The following COL5A2 variants were observed in gnomAD, a reference collection of about 807,000 sequenced individuals.
The protein encoded by COL5A2 is collagen alpha-2(V) chain.
COL5A2 carries 23 observed loss-of-function variants against 208.2 expected under a neutral mutation model. That is an observed-to-expected ratio of 0.11 (90% CI 0.08 to 0.16). COL5A2 has a LOEUF of 0.16. Ranked by LOEUF, COL5A2 falls within the 10% of genes least tolerant of loss-of-function variation. The pLI is 1.00. For missense variants in COL5A2, 1,590 were observed against 1,956.4 expected, an observed-to-expected ratio of 0.81 and a Z score of 3.53; for synonymous variants, 625 against 628.5, an observed-to-expected ratio of 0.99 and a Z score of 0.08.
chr2:189,128,803 A>G (rs1421959712), intron 1 of COL5A2, among the ~76,000 whole-genome samples: 2 of 152,022 alleles, frequency 1.3e-5, no homozygotes, highest in African/African-American at 4.8e-5. Context: ...TCCAGCTGTT[A>G]GAGAAGACTA....
rs530891043 is a variant in COL5A2, at chr2:189,064,178, T to TA, written c.1717-146dup. The TA allele has an allele frequency of 2.8e-5, 19 of 685,710 alleles. No individual in the cohort carries two copies. The African/African-American group carries it at 3.2e-4, about 12-fold the overall frequency. 42.5% of individuals were successfully genotyped at this position (685,710 alleles called of 1,614,324 possible). On this transcript the variant is annotated intron_variant, in intron 25 of 53. Transcript: ENST00000374866. Reference sequence around the variant, plus strand: ...AATAAATTTTTAAGTGATGTATTGTTAAAATTTTTCAGAATTTCTCTGCCA... The same window carrying TA: ...AATAAATTTTTAAGTGATGTATTGTTAAAAATTTTTCAGAATTTCTCTGCCA...
intron 5 of COL5A2, among the ~76,000 whole-genome samples, chr2:189,098,327 C>T (rs1314327656): frequency 6.6e-6 from 1 of 152,178 alleles, no homozygotes; most frequent in Non-Finnish European, 1.5e-5. Flanking sequence ...TGCTCTCCTG[C>T]TGTATGATTT....
the COL5A2 span, among the ~76,000 whole-genome samples, chr2:189,436,026 A>G: frequency 6.6e-6 from 1 of 152,200 alleles, no homozygotes; most frequent in Non-Finnish European, 1.5e-5. Context: ...TGTCCTTTGT[A>G]GGCACATGGA....
chr2:189,365,400 T>C, the COL5A2 span, among the ~76,000 whole-genome samples: 1 of 152,218 alleles, frequency 6.6e-6, no homozygotes, highest in Non-Finnish European at 1.5e-5. Context: ...GAACTCAGTA[T>C]TGTAAAACCT....
chr2:189,086,844 C>A, intron 8 of COL5A2, 74 bp from the exon 9 acceptor site: 1 of 1,274,262 alleles, frequency 7.8e-7, no homozygotes, highest in Non-Finnish European at 1.1e-6. Flanking sequence ...AATGTTGAAT[C>A]ATCTCTAGAA....
chr2:189,333,452 T>A, the COL5A2 span, among the ~76,000 whole-genome samples: 20 of 152,138 alleles, frequency 1.3e-4, no homozygotes, highest in Admixed American at 4.6e-4. Context: ...TGAAATAGTA[T>A]GAGCAAATTC....
At chr2:189,337,820 CAAA>C in the COL5A2 span, among the ~76,000 whole-genome samples, 271 of 143,660 alleles carry the variant, frequency 1.9e-3, no homozygotes, top group Middle Eastern at 3.6e-3. Context: ...TCCATCCTAG[CAAA>C]AAAAAAAAAA....
At position 189,039,494 on chromosome 2, in the gene COL5A2, C is replaced by A; in HGVS notation, c.3703G>T (p.Asp1235Tyr). ...PPGHLTAALG[D>Y]IMGHYDESMP... ...CTTTCATCATAGTGCCCCATGATAT[C>A]CCCAAGAGCAGCTGTAAGGTGGCCA... The change falls in exon 51 of 54, where the codon GAT becomes TAT. Residue 1235 changes from aspartate (D) to tyrosine (Y), a missense_variant. Coordinates refer to ENST00000374866, the MANE Select transcript of COL5A2 (RefSeq NM_000393.5). 1.9e-6 allele frequency: 3 copies of A among 1,613,990 alleles called. No individual in the cohort carries two copies. The highest frequency in any genetic ancestry group is 2.2e-5 in the South Asian group (2 of 91,048).
intron 1 of COL5A2, among the ~76,000 whole-genome samples, chr2:189,218,204 C>T (rs1689302847): frequency 6.6e-6 from 1 of 152,154 alleles, no homozygotes; most frequent in South Asian, 2.1e-4. Flanking sequence ...AATACTTTCT[C>T]CCTCAAATTC....
the COL5A2 span, among the ~76,000 whole-genome samples, chr2:189,317,422 A>C: frequency 6.6e-6 from 1 of 152,232 alleles, no homozygotes; most frequent in African/African-American, 2.4e-5. Flanking sequence ...ACACTTCTAT[A>C]ATTCTTCCTA....
At chr2:189,360,159 T>C in the COL5A2 span, among the ~76,000 whole-genome samples, 1 of 152,272 alleles carries the variant, frequency 6.6e-6, no homozygotes, top group South Asian at 2.1e-4. Flanking sequence ...ATTCAGCCTT[T>C]CTACTTTTTG....
intron 1 of COL5A2, among the ~76,000 whole-genome samples, chr2:189,110,920 TAGAAAAAA>T (rs1053308447): frequency 2.6e-5 from 4 of 152,094 alleles, no homozygotes; most frequent in African/African-American, 4.8e-5. Context: ...TCATGTACCA[TAGAAAAAA>T]ACTTCAAAAA....
chr2:189,034,880 C>A, intron 53 of COL5A2, 36 bp downstream of exon 53: 1 of 1,613,008 alleles, frequency 6.2e-7, no homozygotes, highest in African/African-American at 1.3e-5. Flanking sequence ...AATTTTTTTT[C>A]CTCAACCAGA....
intron 19 of COL5A2, 46 bp downstream of exon 19, chr2:189,068,740 A>C: frequency 7.5e-7 from 1 of 1,327,720 alleles, no homozygotes. Flanking sequence ...TGTTACAAGA[A>C]ATGTCCAGCT....
the COL5A2 span, among the ~76,000 whole-genome samples, chr2:189,306,702 T>C: frequency 6.6e-6 from 1 of 152,356 alleles, no homozygotes; most frequent in African/African-American, 2.4e-5. Context: ...AAAATAAGAA[T>C]GCCATTACTT....
At chr2:189,193,072 C>A (rs541575908) in intron 1 of COL5A2, among the ~76,000 whole-genome samples, 1 of 152,356 alleles carries the variant, frequency 6.6e-6, no homozygotes, top group South Asian at 2.1e-4. Flanking sequence ...AGGCCCCTGC[C>A]AGATGCTGGC....
At chr2:189,072,124 C>A (rs753248644) in intron 17 of COL5A2, 31 bp from the exon 18 acceptor site, 7 of 1,516,238 alleles carry the variant, frequency 4.6e-6, no homozygotes, top group Admixed American at 1.7e-5. Context: ...AGTAATCAGA[C>A]ATGTATTCAA....
At chr2:189,264,644 A>C in the COL5A2 span, among the ~76,000 whole-genome samples, 1 of 152,182 alleles carries the variant, frequency 6.6e-6, no homozygotes, top group Non-Finnish European at 1.5e-5. Flanking sequence ...AATAAGATAA[A>C]TATATATGCA....
rs769463034 is a variant in COL5A2 at position 189,083,935 on chromosome 2, A to C, written c.852+49T>G. 3.1e-5 allele frequency: 41 copies of C among 1,331,422 alleles called. No homozygotes were observed. The South Asian group carries it at 4.2e-4, about 14-fold the overall frequency. 82.5% of individuals were successfully genotyped at this position (1,331,422 alleles called of 1,614,324 possible). A position where few individuals can be genotyped will look rare whatever the true frequency, so the allele number is the denominator to read the frequency against. ...CATACAGAGAATTGTGATTTAATTC[A>C]ATGTTCTTTATTTTTCAAAGTTTGC... On this transcript the variant is annotated intron_variant, in intron 12 of 53. Transcript: ENST00000374866.
Sources: gnomAD v4.1 joint callset for allele counts (sites outside exome capture counted in the v4.1 genomes callset) on GRCh38, gnomAD v4.1.1 for gene constraint, MANE v1.5 for transcripts, NCBI Gene and HGNC (gene_info 2026-07-23, HGNC 2026-07-21) for gene names.